ZNF385D: variants seen among roughly 807,000 people sequenced by gnomAD.
The protein encoded by ZNF385D is zinc finger protein 385D.
Under a neutral mutation model 35.8 loss-of-function variants are expected in ZNF385D, and 15 were observed. The ratio of observed to expected loss-of-function variants is 0.42; its 90% confidence interval spans 0.28 to 0.64. The LOEUF (loss-of-function observed/expected upper bound fraction) is 0.64. Ranked by LOEUF, ZNF385D falls within the 30% of genes least tolerant of loss-of-function variation. The pLI is 0.23. For synonymous variants in ZNF385D, 212 were observed against 186.8 expected, an observed-to-expected ratio of 1.13 and a Z score of -1.10; for missense variants, 474 against 494.6, an observed-to-expected ratio of 0.96 and a Z score of 0.39.
chr3:22,037,439 G>T (rs1698398918), intron 3 of ZNF385D, among the ~76,000 whole-genome samples: 1 of 151,976 alleles, frequency 6.6e-6, no homozygotes, highest in Non-Finnish European at 1.5e-5. Context: ...TTGTGGTTTT[G>T]ATTTGCATTT....
chr3:21,603,820 T>G (rs2125771355), intron 2 of ZNF385D, among the ~76,000 whole-genome samples: 2 of 152,194 alleles, frequency 1.3e-5, no homozygotes, highest in Admixed American at 1.3e-4. Flanking sequence ...AGGGTTTCAG[T>G]AGGCAGGGAT....
chr3:22,047,496 G>T (rs1047965836), intron 3 of ZNF385D, among the ~76,000 whole-genome samples: 4 of 152,034 alleles, frequency 2.6e-5, no homozygotes, highest in African/African-American at 9.7e-5. Flanking sequence ...AGATCATGTG[G>T]TATTTGTCTT....
intron 3 of ZNF385D, among the ~76,000 whole-genome samples, chr3:21,557,444 C>CT (rs1393104304): frequency 6.6e-6 from 1 of 152,080 alleles, no homozygotes; most frequent in Non-Finnish European, 1.5e-5. Context: ...GTCATTGGTT[C>CT]TGTTTATGTG....
intron 5 of ZNF385D, among the ~76,000 whole-genome samples, chr3:21,434,592 CTG>C (rs1414062400): frequency 1.3e-5 from 2 of 152,144 alleles, no homozygotes; most frequent in Admixed American, 6.5e-5. Context: ...CCTTCCAACA[CTG>C]TTCAAGTTAC....
At chr3:22,208,117 A>G (rs1016000817) in intron 2 of ZNF385D, among the ~76,000 whole-genome samples, 5 of 151,998 alleles carry the variant, frequency 3.3e-5, no homozygotes, top group African/African-American at 4.8e-5. Context: ...TAGCAAAGAG[A>G]TATATAAAAT....
At chr3:21,446,487 CTTTTTTTTTTTTT>C in intron 4 of ZNF385D, among the ~76,000 whole-genome samples, 1 of 91,856 alleles carries the variant, frequency 1.1e-5, no homozygotes, top group Admixed American at 1.4e-4. Flanking sequence ...AATCAATGAA[CTTTTTTTTTTTTT>C]TTTTTTTTTT....
intron 1 of ZNF385D, among the ~76,000 whole-genome samples, chr3:21,749,617 C>T (rs1342020415): frequency 6.6e-6 from 1 of 152,180 alleles, no homozygotes; most frequent in African/African-American, 2.4e-5. Context: ...TTTTTAACTA[C>T]AGATTCTGCT....
chr3:22,133,937 A>T (rs1477321941), intron 3 of ZNF385D: 2 of 152,156 alleles, frequency 1.3e-5, no homozygotes, highest in Non-Finnish European at 2.9e-5. Context: ...TTGTATGAAA[A>T]TCTGAACAGC....
At chr3:21,963,995 C>T (rs1284390309) in intron 3 of ZNF385D, among the ~76,000 whole-genome samples, 5 of 151,952 alleles carry the variant, frequency 3.3e-5, no homozygotes, top group South Asian at 2.1e-4. Context: ...AGTACAAAAG[C>T]GACTAAGTAT....
intron 3 of ZNF385D, among the ~76,000 whole-genome samples, chr3:21,519,912 T>C (rs984148696): frequency 6.6e-5 from 10 of 152,150 alleles, no homozygotes; most frequent in African/African-American, 2.4e-4. Context: ...AAGATCAACT[T>C]GTCATAGATG....
intron 3 of ZNF385D, among the ~76,000 whole-genome samples, chr3:21,769,140 A>T (rs2125606142): frequency 6.6e-6 from 1 of 152,232 alleles, no homozygotes; most frequent in East Asian, 1.9e-4. Context: ...CTGAATGGGC[A>T]AAAACTGGAA....
At chr3:22,294,033 CT>C (rs149965185) in intron 2 of ZNF385D, among the ~76,000 whole-genome samples, 76 of 148,616 alleles carry the variant, frequency 5.1e-4, no homozygotes, top group Non-Finnish European at 9.1e-4. Context: ...TTTACTGATG[CT>C]TTTTTTTTTC....
intron 2 of ZNF385D, among the ~76,000 whole-genome samples, chr3:21,620,104 C>G (rs11924693): frequency 6.6e-6 from 1 of 152,114 alleles, no homozygotes; most frequent in Non-Finnish European, 1.5e-5. Flanking sequence ...TTCAAGGGCC[C>G]GTCTACAAAA....
rs142883952 is a variant in ZNF385D at position 21,980,582 on chromosome 3, T to G, written c.325+188235A>C. On this transcript the variant is annotated intron_variant, in intron 3 of 5. Coordinates refer to the ZNF385D transcript ENST00000494108. ...TTCAACCTTCCTTTTAAACTTTTAT[T>G]TTAGATTTGGGGGCCCATATGAAAA... is the stretch of plus-strand genomic sequence containing the variant. 4.9e-4 allele frequency among the ~76,000 whole-genome samples: 75 copies of G among 152,274 alleles called. 1 individual carries two copies. Among genetic ancestry groups the G allele is most frequent in the Admixed American group, 3.5e-3 (54 of 15,276 alleles).
chr3:21,556,861 G>A (rs540751526), intron 3 of ZNF385D, among the ~76,000 whole-genome samples: 1 of 152,266 alleles, frequency 6.6e-6, no homozygotes, highest in East Asian at 1.9e-4. Flanking sequence ...GCAGTGGTTT[G>A]TAGTTATCCT....
At chr3:21,906,368 T>G (rs990390813) in intron 3 of ZNF385D, among the ~76,000 whole-genome samples, 1 of 152,158 alleles carries the variant, frequency 6.6e-6, no homozygotes, top group Non-Finnish European at 1.5e-5. Flanking sequence ...GTTGGTAGCA[T>G]CCAAATGGAC....
chr3:21,617,981 T>G (rs562255803), intron 2 of ZNF385D, among the ~76,000 whole-genome samples: 3 of 152,298 alleles, frequency 2.0e-5, no homozygotes, highest in Admixed American at 6.5e-5. Context: ...TGTCTCTCAT[T>G]GTGATTGAAA....
At chr3:22,312,909 C>T (rs1257707120) in intron 2 of ZNF385D, among the ~76,000 whole-genome samples, 1 of 127,192 alleles carries the variant, frequency 7.9e-6, no homozygotes, top group East Asian at 2.2e-4. Flanking sequence ...TGGGTATATA[C>T]CCAAAGGACT....
intron 4 of ZNF385D, among the ~76,000 whole-genome samples, chr3:21,462,868 G>A (rs1703265168): frequency 6.6e-6 from 1 of 152,152 alleles, no homozygotes; most frequent in African/African-American, 2.4e-5. Context: ...TGTAATCCCA[G>A]CTACTCAGGA....
Sources: allele counts gnomAD v4.1 joint callset (sites outside exome capture counted in the v4.1 genomes callset), GRCh38; gene constraint gnomAD v4.1.1; transcripts MANE v1.5; gene names NCBI Gene and HGNC (gene_info 2026-07-23, HGNC 2026-07-21).